ELP2: variants seen among roughly 807,000 people sequenced by gnomAD.
ELP2 encodes elongator acetyltransferase complex subunit 2, also known as elongator complex protein 2.
A neutral mutation model predicts 119.2 loss-of-function variants in ELP2; 90 were observed. The observed-to-expected ratio is 0.75, with a 90% CI of 0.64 to 0.90. The LOEUF is 0.90. Ranked by LOEUF, ELP2 falls within the 40% of genes least tolerant of loss-of-function variation. The probability of loss-of-function intolerance (pLI) is 0.00; values close to 1 mark genes in which losing one functional copy is unlikely to be tolerated. For synonymous variants in ELP2, 339 were observed against 331.0 expected (o/e 1.02, Z -0.26); for missense variants, 921 against 967.8 (o/e 0.95, Z 0.64).
At chr18:36,153,252 G>A (rs1203050415) in intron 11 of ELP2, among the ~76,000 whole-genome samples, 1 of 152,104 alleles carries the variant, frequency 6.6e-6, no homozygotes, top group Non-Finnish European at 1.5e-5. Context: ...AAATTCCACT[G>A]GTAACTTTAA....
chr18:36,134,352 A>G (rs1864341596), intron 2 of ELP2, among the ~76,000 whole-genome samples: 1 of 152,186 alleles, frequency 6.6e-6, no homozygotes, highest in African/African-American at 2.4e-5. Flanking sequence ...GATGTATGAT[A>G]CTGCAGCAGA....
chr18:36,159,868 A>T (rs1309876590), intron 15 of ELP2, 38 bp downstream of exon 15: 2 of 1,606,360 alleles, frequency 1.2e-6, no homozygotes, highest in African/African-American at 2.7e-5. Context: ...AATCGCTAGA[A>T]CACACAGTAT....
At chr18:36,137,406 T>C (rs186365004) in intron 3 of ELP2, among the ~76,000 whole-genome samples, 5 of 152,344 alleles carry the variant, frequency 3.3e-5, no homozygotes, top group African/African-American at 1.2e-4. Flanking sequence ...CAGACCCTTA[T>C]ACATGAGTAT....
chr18:36,141,462 A>G (rs1467630526), intron 6 of ELP2: 2 of 470,794 alleles, frequency 4.2e-6, no homozygotes, highest in Non-Finnish European at 3.9e-6. Flanking sequence ...ATGCTGTGGT[A>G]GTTGTTTTTC....
chr18:36,141,130 C>T lies in ELP2; in HGVS notation c.524-7C>T. On this transcript the variant is annotated splice_polypyrimidine_tract_variant and splice_region_variant and intron_variant, in intron 5 of 21. Coordinates refer to ENST00000358232, the MANE Select transcript of ELP2 (RefSeq NM_018255.4). ...CTCACAGTGAAGCCTGTTTTTTCTT[C>T]CCCCAGTACCAATATTAGCATGTGG... The T allele has an allele frequency of 6.2e-7, 1 of 1,612,408 alleles. No homozygotes were observed. Among genetic ancestry groups the T allele is most frequent in the Middle Eastern group, 1.7e-4 (1 of 6,054 alleles).
At chr18:36,164,290 C>T (rs1418223412) in intron 17 of ELP2, among the ~76,000 whole-genome samples, 185 bp from the exon 18 acceptor site, 1 of 151,836 alleles carries the variant, frequency 6.6e-6, no homozygotes, top group African/African-American at 2.4e-5. Flanking sequence ...TTTTTTTAAT[C>T]CCAATCATCT....
chr18:36,158,735 G>A, intron 13 of ELP2, 100 bp from the exon 14 acceptor site: 1 of 832,964 alleles, frequency 1.2e-6, no homozygotes, highest in Non-Finnish European at 2.0e-6. Flanking sequence ...TTATGAGCGT[G>A]ACTTTTTTGT....
intron 12 of ELP2, 65 bp downstream of exon 12, chr18:36,155,064 G>A (rs1654975957): frequency 2.2e-6 from 3 of 1,391,386 alleles, no homozygotes; most frequent in Admixed American, 3.4e-5. Flanking sequence ...CCAGGCTGAA[G>A]TGCAATGGCA....
intron 11 of ELP2, among the ~76,000 whole-genome samples, chr18:36,149,954 A>G (rs2090345667): frequency 6.6e-6 from 1 of 152,206 alleles, no homozygotes; most frequent in Non-Finnish European, 1.5e-5. Flanking sequence ...TTTGGTCTGA[A>G]GAAATGATGG....
chr18:36,141,542 T>G (rs1169460744), intron 6 of ELP2: 11 of 269,716 alleles, frequency 4.1e-5, no homozygotes, highest in Non-Finnish European at 8.0e-5. Flanking sequence ...TTTGCCCTTC[T>G]GAGCTTTACT....
At chr18:36,150,241 A>G (rs1374898613) in intron 11 of ELP2, among the ~76,000 whole-genome samples, 2 of 152,198 alleles carry the variant, frequency 1.3e-5, no homozygotes, top group South Asian at 2.1e-4. Context: ...ATTGCCATCT[A>G]CTAACCCAGC....
chr18:36,154,852 A>G lies in ELP2; in HGVS notation c.1128A>G (p.Arg376=). 1 of 1,614,098 alleles carries G rather than the reference A, an allele frequency of 6.2e-7. No individual in the cohort carries two copies. Among genetic ancestry groups the G allele is most frequent in the Non-Finnish European group, 8.5e-7 (1 of 1,180,002 alleles). Residue 376 remains arginine, a splice_region_variant and synonymous_variant, in exon 12 of 22, where the codon AGA becomes AGG. Coordinates refer to ENST00000358232, the MANE Select transcript of ELP2 (RefSeq NM_018255.4). ...TGATATGAGCACTTCCATTGCAGAG[A>G]GAGTGGACTCCAGAGATTGTCATTT... ...HLWKQNTVNP[R]EWTPEIVISG...
intron 21 of ELP2, among the ~76,000 whole-genome samples, chr18:36,173,603 A>G (rs1267325567): frequency 6.6e-6 from 1 of 152,210 alleles, no homozygotes; most frequent in Non-Finnish European, 1.5e-5. Flanking sequence ...GCACGCAGTC[A>G]TCTTGTTGCA....
intron 17 of ELP2, among the ~76,000 whole-genome samples, chr18:36,162,281 T>G (rs1475611457): frequency 1.3e-5 from 2 of 152,208 alleles, no homozygotes; most frequent in Non-Finnish European, 2.9e-5. Flanking sequence ...TAGAGTAGTT[T>G]ACATTTTCTA....
At chr18:36,141,235 AT>A (rs1176168158) in intron 6 of ELP2, 34 bp downstream of exon 6, 1 of 1,521,848 alleles carries the variant, frequency 6.6e-7, no homozygotes, top group Admixed American at 1.7e-5. Context: ...CTGGAATTAT[AT>A]TCTGCTTAGT....
Position 36,138,294 on chromosome 18 carries a change from G to T in ELP2, c.313G>T (p.Gly105Cys), listed in dbSNP as rs948803626. 1 of 1,614,050 alleles carries T rather than the reference G, an allele frequency of 6.2e-7. No homozygotes were observed. Among genetic ancestry groups the T allele is most frequent in the Non-Finnish European group, 8.5e-7 (1 of 1,179,984 alleles). ...NQLLKAVHLQ[G>C]HEGPVYAVHA... Reference sequence around the variant, plus strand: ...GCTTTTAAAAGCAGTGCATCTTCAAGGCCATGAAGGACCTGTTTATGCGGT... The same window carrying T: ...GCTTTTAAAAGCAGTGCATCTTCAATGCCATGAAGGACCTGTTTATGCGGT... The change falls in exon 4 of 22, where the codon GGC becomes TGC. Residue 105 changes from glycine to cysteine, a missense_variant. Gly to Cys is a radical substitution (Grantham distance 159). Coordinates refer to ENST00000358232, the MANE Select transcript of ELP2 (RefSeq NM_018255.4).
intron 5 of ELP2, among the ~76,000 whole-genome samples, chr18:36,139,104 G>T (rs1443301478): frequency 6.6e-6 from 1 of 152,130 alleles, no homozygotes; most frequent in Non-Finnish European, 1.5e-5. Flanking sequence ...ATGACTTACT[G>T]TGTACCCAAG....
chr18:36,135,780 C>T (rs2089802117), intron 2 of ELP2, among the ~76,000 whole-genome samples: 1 of 152,160 alleles, frequency 6.6e-6, no homozygotes, highest in African/African-American at 2.4e-5. Flanking sequence ...GAGGGACATT[C>T]TGCAGAACAA....
rs369710842 is a variant in ELP2, at chr18:36,170,093, G to A, written c.2107G>A (p.Asp703Asn). 8 of 1,614,160 alleles carry A rather than the reference G, an allele frequency of 5.0e-6. No individual in the cohort carries two copies. In the African/African-American group the frequency reaches 8.0e-5, roughly 16 times the overall value. Residue 703 changes from aspartate to asparagine, a missense_variant, in exon 20 of 22, where the codon GAT (aspartate) becomes AAT (asparagine). Transcript: ENST00000358232. ...TGTCTGGGGTGAGTGCGACTCCACT[G>A]ATGACTGTATTGAGCACAACATTGG... The part of the protein sequence containing the change: ...VVVWGECDST[D>N]DCIEHNIGPC...
Sources: allele counts gnomAD v4.1 joint callset (sites outside exome capture counted in the v4.1 genomes callset), GRCh38; gene constraint gnomAD v4.1.1; transcripts MANE v1.5; gene names NCBI Gene and HGNC (gene_info 2026-07-23, HGNC 2026-07-21).